Variants in ZFYVE16 observed in about 807,000 individuals in gnomAD.
ZFYVE16 encodes zinc finger FYVE domain-containing protein 16.
ZFYVE16 carries 89 observed loss-of-function variants against 138.1 expected under a neutral mutation model. That is an observed-to-expected ratio of 0.64 (90% CI 0.54 to 0.77). The LOEUF (loss-of-function observed/expected upper bound fraction) is 0.77, where lower values mean the gene tolerates loss of function less well. ZFYVE16 is among the 30% of genes least tolerant of loss of function. The pLI is 0.00. For synonymous variants in ZFYVE16, 596 were observed against 618.3 expected (o/e 0.96, Z 0.53); for missense variants, 1,793 against 1,786.7 (o/e 1.00, Z -0.06).
At chr5:80,441,878 T>C (rs1443614948) in intron 5 of ZFYVE16, 2 of 985,246 alleles carry the variant, frequency 2.0e-6, no homozygotes. Context: ...GGGAGAGCTA[T>C]CAGTGTTCCT....
intron 2 of ZFYVE16, among the ~76,000 whole-genome samples, chr5:80,433,739 G>T (rs1749465382): frequency 6.6e-6 from 1 of 151,792 alleles, no homozygotes; most frequent in African/African-American, 2.4e-5. Context: ...ATCTCTTGAA[G>T]TACCACTTTT....
intron 1 of ZFYVE16, among the ~76,000 whole-genome samples, chr5:80,422,265 G>A (rs994130607): frequency 3.3e-5 from 5 of 152,100 alleles, no homozygotes; most frequent in African/African-American, 1.2e-4. Context: ...AAGGCTTTCC[G>A]TATTATGTTG....
chr5:80,466,819 A>C (rs979779957), intron 15 of ZFYVE16, among the ~76,000 whole-genome samples: 1 of 152,248 alleles, frequency 6.6e-6, no homozygotes, highest in African/African-American at 2.4e-5. Context: ...GAACTCTGGA[A>C]ATTAGCCAAA....
At chr5:80,473,543 A>G (rs1444546610) in intron 16 of ZFYVE16, among the ~76,000 whole-genome samples, 1 of 152,216 alleles carries the variant, frequency 6.6e-6, no homozygotes, top group East Asian at 1.9e-4. Context: ...CATATGAAAA[A>G]GGAGATACAA....
At chr5:80,429,995 C>T (rs1748746558) in intron 2 of ZFYVE16, among the ~76,000 whole-genome samples, 1 of 152,154 alleles carries the variant, frequency 6.6e-6, no homozygotes, top group African/African-American at 2.4e-5. Context: ...TAATGGGAGA[C>T]TTTAACACCC....
chr5:80,451,337 A>G (rs1361574971), intron 10 of ZFYVE16, 148 bp from the exon 11 acceptor site: 22 of 585,320 alleles, frequency 3.8e-5, no homozygotes, highest in Non-Finnish European at 6.1e-5. Flanking sequence ...AAGAAAAAAA[A>G]TCTATAGTGT....
At chr5:80,470,621 C>T (rs1403640403) in intron 15 of ZFYVE16, among the ~76,000 whole-genome samples, 1 of 152,046 alleles carries the variant, frequency 6.6e-6, no homozygotes, top group East Asian at 1.9e-4. Context: ...AGTGATCCTC[C>T]TGCATCAGCC....
chr5:80,446,402 G>A (rs1751357570), intron 7 of ZFYVE16, among the ~76,000 whole-genome samples: 1 of 152,030 alleles, frequency 6.6e-6, no homozygotes, highest in South Asian at 2.1e-4. Flanking sequence ...TACATTAGCA[G>A]AAATAATATT....
chr5:80,465,390 CCTTTT>C (rs1753581301), intron 15 of ZFYVE16, among the ~76,000 whole-genome samples: 2 of 42,322 alleles, frequency 4.7e-5, no homozygotes, highest in African/African-American at 9.8e-5. Flanking sequence ...CTTTTTTTTT[CCTTTT>C]CTTTGTTTTT....
intron 1 of ZFYVE16, among the ~76,000 whole-genome samples, chr5:80,426,205 T>TGTGTGTGTG (rs1364682247): frequency 6.7e-5 from 1 of 14,938 alleles, no homozygotes; most frequent in Non-Finnish European, 3.7e-4. Context: ...GTGTGTGGTG[T>TGTGTGTGTG]GTGTGTGTGT....
chr5:80,420,982 G>A (rs532354221), intron 1 of ZFYVE16, among the ~76,000 whole-genome samples: 5 of 152,218 alleles, frequency 3.3e-5, no homozygotes, highest in South Asian at 4.1e-4. Context: ...TTTAATGATC[G>A]CCATTCTAAC....
intron 15 of ZFYVE16, among the ~76,000 whole-genome samples, chr5:80,465,407 T>TTTTTTTG (rs1753625696): frequency 9.2e-6 from 1 of 108,764 alleles, no homozygotes; most frequent in East Asian, 2.8e-4. Context: ...TTTGTTTTTT[T>TTTTTTTG]TTTTTTTTTT....
chr5:80,465,568 G>C (rs558297623), intron 15 of ZFYVE16, among the ~76,000 whole-genome samples: 9 of 151,428 alleles, frequency 5.9e-5, no homozygotes, highest in African/African-American at 2.2e-4. Context: ...ACCAGGTTTG[G>C]CTAATTTTTT....
chr5:80,407,830 G>A (rs976944704), upstream of ZFYVE16, among the ~76,000 whole-genome samples: 3 of 152,230 alleles, frequency 2.0e-5, no homozygotes, highest in Non-Finnish European at 2.9e-5. Flanking sequence ...CCCGACCTAA[G>A]GTCGAATCAT....
intron 15 of ZFYVE16, 61 bp downstream of exon 15, chr5:80,459,555 A>G: frequency 7.2e-7 from 1 of 1,391,924 alleles, no homozygotes; most frequent in East Asian, 2.3e-5. Context: ...CCTTTGAAAA[A>G]TATATTTGAT....
chr5:80,443,253 A>G lies in ZFYVE16; in HGVS notation c.2550A>G (p.Pro850=). 1.2e-6 allele frequency: 2 copies of G among 1,611,114 alleles called. No individual in the cohort carries two copies. The highest frequency in any genetic ancestry group is 2.2e-5 in the South Asian group (2 of 90,344). The part of the protein sequence containing the change: ...TSSIPSPATL[P]VSALKQPGVE... ...GTATACCTTCACCAGCAACTTTGCC[A>G]GTCTCAGCACTTAAACAACCAGGTG... Residue 850 remains proline, a synonymous_variant, in exon 6 of 19, where the codon CCA becomes CCG. Coordinates refer to ENST00000505560, the MANE Select transcript of ZFYVE16 (RefSeq NM_001284236.3).
At chr5:80,474,547 C>A in intron 17 of ZFYVE16, 116 bp from the exon 18 acceptor site, 1 of 1,065,562 alleles carries the variant, frequency 9.4e-7, no homozygotes, top group Non-Finnish European at 1.3e-6. Flanking sequence ...AGAATTCTCA[C>A]AACTAATGCT....
intron 15 of ZFYVE16, among the ~76,000 whole-genome samples, chr5:80,469,986 G>A (rs1470404633): frequency 6.8e-6 from 1 of 147,460 alleles, no homozygotes; most frequent in African/African-American, 2.5e-5. Context: ...CTTTGAATGC[G>A]TTTCCTTTAT....
chr5:80,414,416 C>G (rs1162824776), intron 1 of ZFYVE16, among the ~76,000 whole-genome samples: 1 of 152,042 alleles, frequency 6.6e-6, no homozygotes, highest in Non-Finnish European at 1.5e-5. Flanking sequence ...TCAGGTTTTC[C>G]TTTTTCTTGG....
Sources: gnomAD v4.1 joint callset for allele counts (sites outside exome capture counted in the v4.1 genomes callset) on GRCh38, gnomAD v4.1.1 for gene constraint, MANE v1.5 for transcripts, NCBI Gene and HGNC (gene_info 2026-07-23, HGNC 2026-07-21) for gene names.